Variants in SLC26A7 observed in about 807,000 individuals in gnomAD.
SLC26A7 encodes solute carrier family 26 member 7.
A neutral mutation model predicts 82.5 loss-of-function variants in SLC26A7; 59 were observed. That is an observed-to-expected ratio of 0.72 (90% CI 0.58 to 0.89). SLC26A7 has a LOEUF of 0.89. Ranked by LOEUF, SLC26A7 falls within the 40% of genes least tolerant of loss-of-function variation. The pLI is 0.00. For missense variants in SLC26A7, 820 were observed against 793.0 expected (o/e 1.03, Z -0.41); for synonymous variants, 271 against 274.3 (o/e 0.99, Z 0.12).
At chr8:91,388,910 A>T (rs1024885989) in intron 15 of SLC26A7, among the ~76,000 whole-genome samples, 4 of 152,124 alleles carry the variant, frequency 2.6e-5, no homozygotes, top group Admixed American at 6.5e-5. Flanking sequence ...CAGGCACCAC[A>T]AAACGGGGCT....
chr8:91,273,076 AATTGGGTG>A (rs1223430410), intron 2 of SLC26A7, among the ~76,000 whole-genome samples: 1 of 152,148 alleles, frequency 6.6e-6, no homozygotes, highest in African/African-American at 2.4e-5. Flanking sequence ...CAGGTTTCTT[AATTGGGTG>A]ACTGGATGGG....
Position 91,394,008 on chromosome 8 carries a change from C to T in SLC26A7, c.1904C>T (p.Ser635Phe), listed in dbSNP as rs1248164648. 1 of 1,613,588 alleles carries T rather than the reference C, an allele frequency of 6.2e-7. No homozygotes were observed. The highest frequency in any genetic ancestry group is 1.1e-5 in the South Asian group (1 of 91,060). Reference protein sequence around the residue: ...SEKPIFFESVSAAISHIHSNK... With the variant: ...SEKPIFFESVFAAISHIHSNK... ...AAACCAATTTTTTTTGAATCGGTAT[C>T]TGCTGCAATAAGTCATATCCATTCA... Residue 635 changes from serine (S) to phenylalanine (F), a missense_variant, in exon 18 of 19, where the codon TCT (serine) becomes TTT (phenylalanine). Transcript: ENST00000276609.
chr8:91,343,793 T>C (rs1397739655), intron 9 of SLC26A7: 1 of 225,978 alleles, frequency 4.4e-6, no homozygotes, highest in Non-Finnish European at 7.4e-6. Context: ...TTCCCATTTT[T>C]GTTAACTTCC....
chr8:91,310,782 C>T (rs916823738), intron 4 of SLC26A7, among the ~76,000 whole-genome samples: 2 of 152,132 alleles, frequency 1.3e-5, no homozygotes, highest in African/African-American at 2.4e-5. Context: ...AGACAGCCCA[C>T]TCCAAGGGAA....
chr8:91,284,914 A>G (rs1031445539), intron 2 of SLC26A7, among the ~76,000 whole-genome samples: 2 of 152,252 alleles, frequency 1.3e-5, no homozygotes, highest in African/African-American at 4.8e-5. Context: ...ACTCTCCAGC[A>G]TCAAGTGACC....
At chr8:91,215,494 TAAAGTGG>T (rs1810027923) in intron 1 of SLC26A7, among the ~76,000 whole-genome samples, 2 of 152,186 alleles carry the variant, frequency 1.3e-5, no homozygotes, top group African/African-American at 4.8e-5. Context: ...TATTTGAATT[TAAAGTGG>T]AAAACTACTT....
chr8:91,282,526 G>T (rs1323068708), intron 2 of SLC26A7, among the ~76,000 whole-genome samples: 1 of 152,162 alleles, frequency 6.6e-6, no homozygotes, highest in Non-Finnish European at 1.5e-5. Context: ...CATTAGGTCT[G>T]TTGGATTTCC....
chr8:91,265,883 G>T (rs912583270), intron 2 of SLC26A7, among the ~76,000 whole-genome samples: 1 of 151,882 alleles, frequency 6.6e-6, no homozygotes, highest in Admixed American at 6.6e-5. Flanking sequence ...CCATTCTGTA[G>T]GTTGTCTCTT....
chr8:91,278,884 A>G (rs1003576279), intron 2 of SLC26A7, among the ~76,000 whole-genome samples: 1 of 151,800 alleles, frequency 6.6e-6, no homozygotes, highest in Non-Finnish European at 1.5e-5. Flanking sequence ...CCTTTTGACC[A>G]ACATATCTCC....
At chr8:91,215,221 T>C (rs2130653219) in intron 1 of SLC26A7, among the ~76,000 whole-genome samples, 1 of 152,218 alleles carries the variant, frequency 6.6e-6, no homozygotes, top group African/African-American at 2.4e-5. Context: ...TGGACATCTT[T>C]GGGGGGACAT....
intron 2 of SLC26A7, among the ~76,000 whole-genome samples, chr8:91,278,042 G>T (rs1322484582): frequency 6.6e-6 from 1 of 152,162 alleles, no homozygotes; most frequent in Non-Finnish European, 1.5e-5. Context: ...CCCCTGCAAA[G>T]CTATCAATGT....
intron 18 of SLC26A7, 91 bp downstream of exon 18, chr8:91,394,130 A>T (rs1160137443): frequency 4.4e-6 from 7 of 1,591,818 alleles, no homozygotes; most frequent in Non-Finnish European, 6.0e-6. Flanking sequence ...TTATTACTCC[A>T]TTGGCATCTA....
intron 7 of SLC26A7, 45 bp downstream of exon 7, chr8:91,338,277 AT>A: frequency 7.0e-7 from 1 of 1,438,396 alleles, no homozygotes; most frequent in Non-Finnish European, 9.6e-7. Flanking sequence ...TTGTTTGTTT[AT>A]TTTTGATGGA....
intron 4 of SLC26A7, among the ~76,000 whole-genome samples, chr8:91,313,049 A>C (rs1467159049): frequency 6.6e-6 from 1 of 152,178 alleles, no homozygotes; most frequent in Non-Finnish European, 1.5e-5. Flanking sequence ...TCATATTAAA[A>C]ATAGCACTGC....
chr8:91,268,617 G>A (rs577605695), intron 2 of SLC26A7, among the ~76,000 whole-genome samples: 2 of 151,696 alleles, frequency 1.3e-5, no homozygotes, highest in Admixed American at 6.6e-5. Context: ...CACTGATAGT[G>A]ACACACTGTC....
chr8:91,221,983 A>T (rs1810166981), intron 2 of SLC26A7, among the ~76,000 whole-genome samples: 2 of 152,140 alleles, frequency 1.3e-5, no homozygotes, highest in South Asian at 2.1e-4. Context: ...TTTTCATGAT[A>T]TTGATTCTTC....
At chr8:91,380,509 T>C (rs1209189110) in intron 15 of SLC26A7, among the ~76,000 whole-genome samples, 7 of 152,174 alleles carry the variant, frequency 4.6e-5, no homozygotes. Flanking sequence ...CACTCCTGAC[T>C]GAATTTATAT....
chr8:91,267,839 G>A (rs1189450684), intron 2 of SLC26A7, among the ~76,000 whole-genome samples: 1 of 151,532 alleles, frequency 6.6e-6, no homozygotes. Context: ...ATAACATTAG[G>A]TTGTTTACTA....
chr8:91,378,115 T>A (rs929777230), intron 15 of SLC26A7, among the ~76,000 whole-genome samples: 1 of 152,022 alleles, frequency 6.6e-6, no homozygotes, highest in Non-Finnish European at 1.5e-5. Context: ...TATTTGTTAC[T>A]ATTATGGCTT....
Sources: allele counts gnomAD v4.1 joint callset (sites outside exome capture counted in the v4.1 genomes callset), GRCh38; gene constraint gnomAD v4.1.1; transcripts MANE v1.5; gene names NCBI Gene and HGNC (gene_info 2026-07-23, HGNC 2026-07-21).